TBC1D8: variants seen among roughly 807,000 people sequenced by gnomAD.
TBC1D8 encodes BUB2-like protein 1.
TBC1D8 carries 65 observed loss-of-function variants against 118.8 expected under a neutral mutation model. The observed-to-expected ratio is 0.55, with a 90% CI of 0.45 to 0.67. TBC1D8 has a LOEUF of 0.67. Ranked by LOEUF, TBC1D8 falls within the 30% of genes least tolerant of loss-of-function variation. The pLI, the probability that TBC1D8 is intolerant of heterozygous loss-of-function variation, is 0.00. For missense variants in TBC1D8, 1,376 were observed against 1,471.2 expected (o/e 0.94, Z 1.06); for synonymous variants, 566 against 595.8 (o/e 0.95, Z 0.73).
At chr2:101,041,281 CAA>C (rs1217569345) in intron 5 of TBC1D8, among the ~76,000 whole-genome samples, 1 of 152,168 alleles carries the variant, frequency 6.6e-6, no homozygotes, top group Non-Finnish European at 1.5e-5. Flanking sequence ...AGAAATAACC[CAA>C]GTGTCCATTA....
Position 101,033,653 on chromosome 2 carries a change from T to A in TBC1D8, c.1709A>T (p.His570Leu), listed in dbSNP as rs1227890248. 6.2e-7 allele frequency: 1 copy of A among 1,613,900 alleles called. No individual in the cohort carries two copies. Among genetic ancestry groups the A allele is most frequent in the Admixed American group, 1.7e-5 (1 of 60,004 alleles). Residue 570 changes from histidine (H) to leucine (L), a missense_variant, in exon 10 of 20, where the codon CAC (histidine) becomes CTC (leucine). Coordinates refer to ENST00000409318, the MANE Select transcript of TBC1D8 (RefSeq NM_001330348.2). ...GGCGGGGTGCTCTGGCAGGGAGCGG[T>A]GCAGGTCTCGTTCTATCTCCTCGGT... ...LVTEEIERDL[H>L]RSLPEHPAFQ...
intron 15 of TBC1D8, among the ~76,000 whole-genome samples, chr2:101,026,370 CAAT>C (rs1680335606): frequency 3.3e-5 from 5 of 152,142 alleles, no homozygotes. Flanking sequence ...ACAAAGGAAA[CAAT>C]AAAACTTGCA....
chr2:101,059,999 G>T (rs1390872875), intron 2 of TBC1D8, among the ~76,000 whole-genome samples: 1 of 152,170 alleles, frequency 6.6e-6, no homozygotes, highest in South Asian at 2.1e-4. Flanking sequence ...GAAAAGGAAG[G>T]CACCCCCATA....
At chr2:101,027,553 C>T (rs2105383493) in intron 14 of TBC1D8, 102 bp from the exon 15 acceptor site, 5 of 968,160 alleles carry the variant, frequency 5.2e-6, no homozygotes, top group Middle Eastern at 2.1e-4. Context: ...ACAAGGAGCC[C>T]ATGCACCAGC....
intron 2 of TBC1D8, among the ~76,000 whole-genome samples, chr2:101,085,702 GAAGAA>G (rs1675567685): frequency 6.6e-6 from 1 of 152,186 alleles, no homozygotes; most frequent in Non-Finnish European, 1.5e-5. Context: ...AACACTCAAG[GAAGAA>G]AAGAAAATTC....
In TBC1D8 at chr2:101,050,368, G is replaced by A. The variant is rs754819182; in HGVS notation, c.872+33C>T. On this transcript the variant is annotated intron_variant, in intron 5 of 19. Transcript: ENST00000409318. ...GGCACAGCTTATGGGTCCCCCGTGC[G>A]GGTGGGAGACACTCTAGAACAGTCA... is the stretch of plus-strand genomic sequence containing the variant. 4.7e-5 allele frequency: 75 copies of A among 1,598,286 alleles called. No homozygotes were observed. The Admixed American group carries it at 5.1e-4, about 11-fold the overall frequency.
At chr2:101,118,158 T>C (rs1216944845) in intron 1 of TBC1D8, among the ~76,000 whole-genome samples, 1 of 152,142 alleles carries the variant, frequency 6.6e-6, no homozygotes, top group African/African-American at 2.4e-5. Context: ...CAGACCGCCA[T>C]GTACCCTAGG....
chr2:101,059,462 T>C lies in TBC1D8; in HGVS notation c.361A>G (p.Asn121Asp). 6.2e-7 allele frequency: 1 copy of C among 1,613,934 alleles called. No individual in the cohort carries two copies. Among genetic ancestry groups the C allele is most frequent in the Non-Finnish European group, 8.5e-7 (1 of 1,179,858 alleles). The change falls in exon 3 of 20, where the codon AAT becomes GAT. Residue 121 changes from asparagine to aspartate, a missense_variant. Asn to Asp is a conservative substitution (Grantham distance 23, BLOSUM62 1). Coordinates refer to ENST00000409318, the MANE Select transcript of TBC1D8 (RefSeq NM_001330348.2). ...ACAAAACTGGCAATGTCATCTTTAT[T>C]ATCAAAGACAGACAAGGTGTGGAGG... ...NLLHTLSVFD[N>D]KDDIASFVKG...
intron 3 of TBC1D8, among the ~76,000 whole-genome samples, chr2:101,059,017 T>C (rs1358004372): frequency 6.6e-6 from 1 of 152,126 alleles, no homozygotes; most frequent in African/African-American, 2.4e-5. Flanking sequence ...GCCATTCTCT[T>C]GCCTCAGCCT....
intron 7 of TBC1D8, 54 bp from the exon 8 acceptor site, chr2:101,037,762 G>A: frequency 6.2e-7 from 1 of 1,600,858 alleles, no homozygotes; most frequent in Non-Finnish European, 8.5e-7. Flanking sequence ...GAAAATCATG[G>A]CTTTAGTCGA....
chr2:101,051,969 T>G (rs1682102554), intron 4 of TBC1D8, among the ~76,000 whole-genome samples: 1 of 152,214 alleles, frequency 6.6e-6, no homozygotes, highest in Non-Finnish European at 1.5e-5. Context: ...CAGTAAAACT[T>G]CCCAAGCTGC....
intron 1 of TBC1D8, among the ~76,000 whole-genome samples, chr2:101,143,962 T>C (rs1002106970): frequency 6.6e-6 from 1 of 152,222 alleles, no homozygotes; most frequent in Non-Finnish European, 1.5e-5. Flanking sequence ...ACCACTCTAT[T>C]ATTTATTCCT....
chr2:101,022,830 C>G lies in TBC1D8; in HGVS notation c.2521-309G>C, dbSNP rs558603538. On this transcript the variant is annotated intron_variant, in intron 15 of 19. Coordinates refer to ENST00000409318, the MANE Select transcript of TBC1D8 (RefSeq NM_001330348.2). The stretch of plus-strand genomic sequence containing the variant: ...TTATAGAAGACACACAATTTTTATT[C>G]TGATATTTTCACTTAAAATCCTACT... Among the ~76,000 whole-genome samples the G allele has an allele frequency of 6.8e-4, 103 of 152,238 alleles. 1 individual carries two copies. The highest frequency in any genetic ancestry group is 2.2e-3 in the African/African-American group (92 of 41,550).
rs1398611402 is a variant in TBC1D8 at position 101,011,491 on chromosome 2, C to A, written c.2877G>T (p.Leu959=). The A allele has an allele frequency of 1.9e-6, 3 of 1,613,752 alleles. No individual in the cohort carries two copies. Among genetic ancestry groups the A allele is most frequent in the Non-Finnish European group, 2.5e-6 (3 of 1,179,876 alleles). Reference sequence around the variant, plus strand: ...AAACCAGGGGTCTCGATGTTGACAACAGAGGATTCCTCAACGGCGACTGGC... The same window carrying A: ...AAACCAGGGGTCTCGATGTTGACAAAAGAGGATTCCTCAACGGCGACTGGC... ...RDSQSPLRNP[L]LSTSRPLVFG... The change falls in exon 18 of 20, where the codon CTG becomes CTT. Residue 959 remains leucine (L), a synonymous_variant. Transcript: ENST00000409318.
intron 5 of TBC1D8, among the ~76,000 whole-genome samples, chr2:101,047,580 G>C (rs1343296433): frequency 3.3e-5 from 5 of 152,168 alleles, no homozygotes; most frequent in African/African-American, 9.7e-5. Flanking sequence ...ATGAGAACTG[G>C]CCAGGAATTG....
At position 101,144,123 on chromosome 2, in the gene TBC1D8, G is replaced by A. The variant is rs371743709; in HGVS notation, c.127+7004C>T. Among the ~76,000 whole-genome samples, 9 of 152,284 alleles carry A rather than the reference G, an allele frequency of 5.9e-5. No homozygotes were observed. The South Asian group carries it at 1.7e-3, about 28-fold the overall frequency. ...GTTTGTACTTGATCCCCTCAAGATT[G>A]TACTACTTGATGTCTACATCCATGT... On this transcript the variant is annotated intron_variant, in intron 1 of 19. Coordinates refer to ENST00000409318, the MANE Select transcript of TBC1D8 (RefSeq NM_001330348.2).
At chr2:101,009,860 C>T (rs1197056630) in intron 19 of TBC1D8, among the ~76,000 whole-genome samples, 12 of 147,020 alleles carry the variant, frequency 8.2e-5, no homozygotes, top group African/African-American at 2.0e-4. Flanking sequence ...CTCGCTCTGT[C>T]GCCCAGGCTG....
intron 1 of TBC1D8, among the ~76,000 whole-genome samples, chr2:101,129,386 G>C (rs1678488961): frequency 2.6e-5 from 4 of 152,084 alleles, no homozygotes; most frequent in Admixed American, 1.3e-4. Flanking sequence ...CGGGTAATCT[G>C]CCTGCCTCGG....
intron 2 of TBC1D8, among the ~76,000 whole-genome samples, chr2:101,084,545 T>C (rs890127866): frequency 4.6e-5 from 7 of 151,928 alleles, no homozygotes; most frequent in Non-Finnish European, 7.4e-5. Context: ...AGTGAGACTC[T>C]GTCTCAAAAA....
Sources: gnomAD v4.1 joint callset for allele counts (sites outside exome capture counted in the v4.1 genomes callset) on GRCh38, gnomAD v4.1.1 for gene constraint, MANE v1.5 for transcripts, NCBI Gene and HGNC (gene_info 2026-07-23, HGNC 2026-07-21) for gene names.